The following GABRA1 variants were observed in gnomAD, a reference collection of about 807,000 sequenced individuals.
GABRA1 encodes the protein gamma-aminobutyric acid receptor subunit alpha-1.
In GABRA1, 9 loss-of-function variants were observed where a neutral mutation model predicts 48.9. The observed-to-expected ratio is 0.18, with a 90% CI of 0.11 to 0.32. GABRA1 has a LOEUF of 0.32. GABRA1 is among the 10% of genes least tolerant of loss of function. The pLI, the probability that GABRA1 is intolerant of heterozygous loss-of-function variation, is 1.00. For synonymous variants in GABRA1, 210 were observed against 198.7 expected, an observed-to-expected ratio of 1.06 and a Z score of -0.48; for missense variants, 285 against 553.8, an observed-to-expected ratio of 0.51 and a Z score of 4.87.
intron 1 of GABRA1, chr5:161,850,310 A>T (rs904893614): frequency 1.3e-4 from 34 of 267,576 alleles, no homozygotes; most frequent in Non-Finnish European, 1.9e-4. Context: ...GCAGAATTCA[A>T]AGAGGAATTC....
intron 4 of GABRA1, among the ~76,000 whole-genome samples, chr5:161,870,806 G>A (rs1220238717): frequency 6.6e-6 from 1 of 152,162 alleles, no homozygotes; most frequent in Non-Finnish European, 1.5e-5. Flanking sequence ...CACAGGGAGA[G>A]TTCTCAGAAA....
intron 3 of GABRA1, among the ~76,000 whole-genome samples, chr5:161,859,586 C>T (rs775359945): frequency 1.4e-4 from 21 of 151,686 alleles, no homozygotes; most frequent in Non-Finnish European, 7.4e-5. Flanking sequence ...CAGTTTAATT[C>T]TTTTAAAATT....
chr5:161,848,796 G>A, intron 1 of GABRA1: 3 of 309,842 alleles, frequency 9.7e-6, no homozygotes, highest in South Asian at 7.2e-5. Flanking sequence ...TATTTGCAAG[G>A]GGGAGCTGGG....
intron 6 of GABRA1, among the ~76,000 whole-genome samples, chr5:161,877,294 G>T (rs1346482989): frequency 2.0e-5 from 3 of 152,044 alleles, no homozygotes; most frequent in Non-Finnish European, 4.4e-5. Context: ...ATCCTAATTT[G>T]GAAAATGAAC....
chr5:161,862,787 CCA>C (rs1303093755), intron 3 of GABRA1, among the ~76,000 whole-genome samples: 1 of 151,912 alleles, frequency 6.6e-6, no homozygotes, highest in African/African-American at 2.4e-5. Flanking sequence ...TGTTTTGGCA[CCA>C]CAGTGTTATT....
chr5:161,868,388 A>G (rs1483962562), intron 4 of GABRA1, among the ~76,000 whole-genome samples: 5 of 151,048 alleles, frequency 3.3e-5, no homozygotes, highest in Non-Finnish European at 1.5e-5. Context: ...TGGAAAAGAC[A>G]AGAGAAAAGG....
chr5:161,880,431 A>G (rs763393206), intron 6 of GABRA1, among the ~76,000 whole-genome samples: 11 of 152,176 alleles, frequency 7.2e-5, no homozygotes, highest in Non-Finnish European at 1.5e-4. Context: ...TGTAAATCAC[A>G]TTTTACATCC....
At chr5:161,892,614 A>T (rs1249691713) in intron 8 of GABRA1, among the ~76,000 whole-genome samples, 1 of 152,216 alleles carries the variant, frequency 6.6e-6, no homozygotes, top group African/African-American at 2.4e-5. Context: ...CTAAAGACGA[A>T]GTCTTGTTAA....
In GABRA1 at chr5:161,856,538, T is replaced by C. The variant is rs188743881; in HGVS notation, c.187+2268T>C. ...GTAACAATGCCTTTTGAGGGTATGATAGAAATTAAAACAAACAAAAAAGTA... is the reference window on the plus strand; with the variant it reads ...GTAACAATGCCTTTTGAGGGTATGACAGAAATTAAAACAAACAAAAAAGTA... On this transcript the variant is annotated intron_variant, in intron 3 of 9. Coordinates refer to ENST00000393943, the MANE Select transcript of GABRA1 (RefSeq NM_001127644.2). Among the ~76,000 whole-genome samples the C allele has an allele frequency of 1.6e-3, 242 of 151,422 alleles. 1 individual carries two copies. Among genetic ancestry groups the C allele is most frequent in the Non-Finnish European group, 3.0e-3 (204 of 67,414 alleles).
chr5:161,880,704 A>T (rs941407093), intron 6 of GABRA1, among the ~76,000 whole-genome samples: 1 of 152,184 alleles, frequency 6.6e-6, no homozygotes, highest in African/African-American at 2.4e-5. Context: ...ATCAGGGAAC[A>T]CTGGCTACAT....
At chr5:161,891,504 C>T (rs1416772079) in intron 8 of GABRA1, among the ~76,000 whole-genome samples, 1 of 152,124 alleles carries the variant, frequency 6.6e-6, no homozygotes. Context: ...CATATCACTA[C>T]AGGAATAAGT....
chr5:161,881,550 A>G (rs979925772), intron 6 of GABRA1, among the ~76,000 whole-genome samples: 1 of 152,198 alleles, frequency 6.6e-6, no homozygotes, highest in Non-Finnish European at 1.5e-5. Flanking sequence ...TATAAGAAGG[A>G]TAATCAGTAG....
intron 3 of GABRA1, among the ~76,000 whole-genome samples, chr5:161,861,927 A>G (rs986974667): frequency 6.6e-6 from 1 of 151,910 alleles, no homozygotes; most frequent in Non-Finnish European, 1.5e-5. Flanking sequence ...AGCTTAAATA[A>G]GGCAATAGAC....
chr5:161,860,752 A>T (rs1311002815), intron 3 of GABRA1, among the ~76,000 whole-genome samples: 1 of 151,902 alleles, frequency 6.6e-6, no homozygotes, highest in Non-Finnish European at 1.5e-5. Context: ...TGTACCACAT[A>T]GATATATACA....
intron 2 of GABRA1, among the ~76,000 whole-genome samples, chr5:161,853,895 T>C (rs1021929509): frequency 7.9e-5 from 12 of 151,838 alleles, no homozygotes; most frequent in African/African-American, 2.9e-4. Flanking sequence ...TGCAACGTAA[T>C]AAACATGATA....
intron 8 of GABRA1, among the ~76,000 whole-genome samples, chr5:161,894,285 A>C (rs1485622691): frequency 1.3e-5 from 2 of 152,224 alleles, no homozygotes; most frequent in Non-Finnish European, 2.9e-5. Context: ...GTCATTCAGC[A>C]GTTATAGAAC....
At chr5:161,875,532 C>A (rs573982851) in intron 5 of GABRA1, 28 bp from the exon 6 acceptor site, 8 of 1,574,680 alleles carry the variant, frequency 5.1e-6, no homozygotes, top group East Asian at 2.2e-5. Flanking sequence ...CTATATGGCT[C>A]TTGTTTGTAT....
In GABRA1 at chr5:161,861,478, C is replaced by T. The variant is rs185305865; in HGVS notation, c.188-4243C>T. ...AGATAAATAGCTCCTGCAATAATATCGACCTTTCTTCCTAGGACATGCTTG... is the reference window on the plus strand; with the variant it reads ...AGATAAATAGCTCCTGCAATAATATTGACCTTTCTTCCTAGGACATGCTTG... On this transcript the variant is annotated intron_variant, in intron 3 of 9. Coordinates refer to ENST00000393943, the MANE Select transcript of GABRA1 (RefSeq NM_001127644.2). Among the ~76,000 whole-genome samples the T allele has an allele frequency of 5.9e-5, 9 of 151,878 alleles. No individual in the cohort carries two copies. The East Asian group carries it at 1.6e-3, about 26-fold the overall frequency.
chr5:161,884,020 T>G (rs1430191754), intron 7 of GABRA1, among the ~76,000 whole-genome samples: 1 of 152,140 alleles, frequency 6.6e-6, no homozygotes, highest in Non-Finnish European at 1.5e-5. Context: ...CTTTGTGACT[T>G]TGGGCAAGTC....
Sources: gnomAD v4.1 joint callset for allele counts (sites outside exome capture counted in the v4.1 genomes callset) on GRCh38, gnomAD v4.1.1 for gene constraint, MANE v1.5 for transcripts, NCBI Gene and HGNC (gene_info 2026-07-23, HGNC 2026-07-21) for gene names.